DSCC1: variants seen among roughly 807,000 people sequenced by gnomAD.
DSCC1 encodes the protein sister chromatid cohesion protein DCC1.
DSCC1 carries 32 observed loss-of-function variants against 48.2 expected under a neutral mutation model. That is an observed-to-expected ratio of 0.66 (90% confidence interval 0.50 to 0.89). The LOEUF (loss-of-function observed/expected upper bound fraction) is 0.89, where lower values mean the gene tolerates loss of function less well. Ranked by LOEUF, DSCC1 falls within the 40% of genes least tolerant of loss-of-function variation. The pLI, the probability that DSCC1 is intolerant of heterozygous loss-of-function variation, is 0.00. For synonymous variants in DSCC1, 150 were observed against 171.5 expected, an observed-to-expected ratio of 0.87 and a Z score of 0.98; for missense variants, 421 against 471.7, an observed-to-expected ratio of 0.89 and a Z score of 1.00.
chr8:119,849,314 G>A (rs1307510628), intron 3 of DSCC1, among the ~76,000 whole-genome samples: 1 of 152,070 alleles, frequency 6.6e-6, no homozygotes, highest in Non-Finnish European at 1.5e-5. Context: ...GCTGAGGCAG[G>A]AGAATCACTT....
rs928896531 is a variant in DSCC1 at position 119,843,822 on chromosome 8, G to C, written c.578-75C>G. The C allele has an allele frequency of 4.8e-6, 7 of 1,469,362 alleles. No individual in the cohort carries two copies. In the African/African-American group the frequency reaches 8.5e-5, roughly 18 times the overall value. 91.0% of individuals were successfully genotyped at this position (1,469,362 alleles called of 1,614,324 possible). A position where few individuals can be genotyped will look rare whatever the true frequency, so the allele number is the denominator to read the frequency against. ...GCAGGGTCTCAACTCTGTCACCCAA[G>C]CTGGAGTTCAGTGGCGTGATCTCAG... On this transcript the variant is annotated intron_variant, in intron 4 of 8. Coordinates refer to ENST00000313655, the MANE Select transcript of DSCC1 (RefSeq NM_024094.3).
In DSCC1 at chr8:119,842,845, A is replaced by C; in HGVS notation, c.717-17T>G. The C allele has an allele frequency of 6.3e-7, 1 of 1,590,530 alleles. No individual in the cohort carries two copies. The highest frequency in any genetic ancestry group is 8.5e-7 in the Non-Finnish European group (1 of 1,170,376). On this transcript the variant is annotated splice_polypyrimidine_tract_variant and intron_variant, in intron 5 of 8. Coordinates refer to ENST00000313655, the MANE Select transcript of DSCC1 (RefSeq NM_024094.3). ...ATCATTTCCCTGAAAAATTTAAAAC[A>C]CCCACTTGAAAAGTTATAAGCATTT...
chr8:119,855,822 C>T lies in DSCC1; in HGVS notation c.-27G>A. Reference sequence around the variant, plus strand: ...GCAGCGCCGGGTCTAGGAGTCCCGCCGCGCCCGGGTGGCTGCGGGCTTGGC... The same window carrying T: ...GCAGCGCCGGGTCTAGGAGTCCCGCTGCGCCCGGGTGGCTGCGGGCTTGGC... On this transcript the variant is annotated 5_prime_UTR_variant, in exon 1 of 9. Coordinates refer to ENST00000313655, the MANE Select transcript of DSCC1 (RefSeq NM_024094.3). 1 of 1,432,800 alleles carries T rather than the reference C, an allele frequency of 7.0e-7. No individual in the cohort carries two copies. Among genetic ancestry groups the T allele is most frequent in the Non-Finnish European group, 9.1e-7 (1 of 1,093,072 alleles). 88.8% of individuals were successfully genotyped at this position (1,432,800 alleles called of 1,614,324 possible).
chr8:119,841,629 A>G (rs371513127), intron 7 of DSCC1, among the ~76,000 whole-genome samples, 165 bp downstream of exon 7: 1 of 152,214 alleles, frequency 6.6e-6, no homozygotes, highest in East Asian at 1.9e-4. Context: ...TTATACCCCA[A>G]TACTTTATTG....
chr8:119,852,752 TA>T, intron 2 of DSCC1: 1 of 224,722 alleles, frequency 4.4e-6, no homozygotes, highest in African/African-American at 2.3e-5. Context: ...CAAAATCTAC[TA>T]AAAATGGGTA....
intron 3 of DSCC1, among the ~76,000 whole-genome samples, chr8:119,848,677 GA>G (rs1425230148): frequency 6.6e-6 from 1 of 152,192 alleles, no homozygotes. Flanking sequence ...AATGTTCGCA[GA>G]AGCATTATTC....
intron 3 of DSCC1, among the ~76,000 whole-genome samples, chr8:119,848,876 G>A (rs539808347): frequency 2.6e-5 from 4 of 151,944 alleles, no homozygotes; most frequent in Non-Finnish European, 4.4e-5. Context: ...GATCACCAGA[G>A]GTCAGGAGTT....
chr8:119,844,310 A>C (rs1826818757), intron 4 of DSCC1, among the ~76,000 whole-genome samples: 1 of 151,852 alleles, frequency 6.6e-6, no homozygotes, highest in Non-Finnish European at 1.5e-5. Flanking sequence ...GTGGTGGTGC[A>C]CATCTGTAAT....
At chr8:119,835,080 C>G (rs1461193283) in intron 8 of DSCC1, 79 bp from the exon 9 acceptor site, 5 of 916,276 alleles carry the variant, frequency 5.5e-6, no homozygotes, top group African/African-American at 3.5e-5. Context: ...CTTATTTTCT[C>G]TCTCTCCCCC....
chr8:119,850,726 G>A (rs28673290), intron 2 of DSCC1, among the ~76,000 whole-genome samples: 6,958 of 152,164 alleles, frequency 0.046, 263 homozygotes, highest in South Asian at 0.13. Flanking sequence ...ATAAGATACT[G>A]TCAACATTGT....
chr8:119,855,714 A>C lies in DSCC1; in HGVS notation c.82T>G (p.Cys28Gly). 5 of 1,568,058 alleles carry C rather than the reference A, an allele frequency of 3.2e-6. No homozygotes were observed. The highest frequency in any genetic ancestry group is 4.3e-6 in the Non-Finnish European group (5 of 1,156,656). The change falls in exon 1 of 9, where the codon TGC (cysteine) becomes GGC (glycine). Residue 28 changes from cysteine to glycine, a missense_variant. Transcript: ENST00000313655. ...NAAELLPAVHCLGFGPGASGA... is the reference protein window; with the variant it reads ...NAAELLPAVHGLGFGPGASGA... ...CTGGCCCCAGGGCCGAAGCCCAGGC[A>C]GTGCACCGCCGGCAGCAGCTCGGCC...
intron 4 of DSCC1, among the ~76,000 whole-genome samples, chr8:119,845,646 T>TA (rs11370354): frequency 0.27 from 38,670 of 143,944 alleles, 5,555 homozygotes; most frequent in Middle Eastern, 0.4. Context: ...CATTTGCCTT[T>TA]AAAAAAAAAA....
rs774593587 is a variant in DSCC1, at chr8:119,855,843, T to G, written c.-48A>C. ...CCGCCGCGCCCGGGTGGCTGCGGGC[T>G]TGGCGGGCAAGAAAGAAGTTCCCAA... On this transcript the variant is annotated 5_prime_UTR_variant, in exon 1 of 9. Coordinates refer to ENST00000313655, the MANE Select transcript of DSCC1 (RefSeq NM_024094.3). 2.8e-6 allele frequency: 4 copies of G among 1,413,844 alleles called. No homozygotes were observed. The highest frequency in any genetic ancestry group is 3.7e-6 in the Non-Finnish European group (4 of 1,083,476). 87.6% of individuals were successfully genotyped at this position (1,413,844 alleles called of 1,614,324 possible).
At chr8:119,850,568 T>A in intron 2 of DSCC1, 52 bp from the exon 3 acceptor site, 1 of 1,460,464 alleles carries the variant, frequency 6.8e-7, no homozygotes, top group South Asian at 1.4e-5. Context: ...AAGGAAAATT[T>A]CATACAAAAT....
chr8:119,852,857 C>A, intron 2 of DSCC1, 190 bp downstream of exon 2: 1 of 467,244 alleles, frequency 2.1e-6, no homozygotes, highest in Non-Finnish European at 3.5e-6. Context: ...AAAAAACAGA[C>A]AAGTTCACAA....
At chr8:119,840,806 G>A (rs1826756429) in intron 7 of DSCC1, among the ~76,000 whole-genome samples, 1 of 151,486 alleles carries the variant, frequency 6.6e-6, no homozygotes, top group East Asian at 2.0e-4. Context: ...TAGCTACTCG[G>A]GAGCCTGAGG....
At chr8:119,852,784 T>G (rs543134557) in intron 2 of DSCC1, 1 of 295,090 alleles carries the variant, frequency 3.4e-6, no homozygotes, top group East Asian at 5.9e-5. Context: ...AATGACTCAT[T>G]GAATAACAAA....
intron 7 of DSCC1, among the ~76,000 whole-genome samples, chr8:119,841,458 G>C (rs1416118125): frequency 6.6e-6 from 1 of 152,110 alleles, no homozygotes; most frequent in Admixed American, 6.5e-5. Context: ...GTGAGAAACG[G>C]AACAAAATGA....
At chr8:119,836,386 G>A (rs1335664363) in intron 8 of DSCC1, among the ~76,000 whole-genome samples, 1 of 152,140 alleles carries the variant, frequency 6.6e-6, no homozygotes, top group Non-Finnish European at 1.5e-5. Context: ...TCATTATATT[G>A]TCATTTTTGA....
Sources: allele counts gnomAD v4.1 joint callset (sites outside exome capture counted in the v4.1 genomes callset), GRCh38; gene constraint gnomAD v4.1.1; transcripts MANE v1.5; gene names NCBI Gene and HGNC (gene_info 2026-07-23, HGNC 2026-07-21).